The following DOCK9 variants were observed in gnomAD, a reference collection of about 807,000 sequenced individuals.
DOCK9 encodes the protein dedicator of cytokinesis protein 9.
DOCK9 carries 89 observed loss-of-function variants against 263.3 expected under a neutral mutation model. The ratio of observed to expected loss-of-function variants is 0.34; its 90% confidence interval spans 0.28 to 0.40. The LOEUF (loss-of-function observed/expected upper bound fraction) is 0.40, where lower values mean the gene tolerates loss of function less well. Among genes scored for constraint, DOCK9 ranks in the 10% least tolerant of loss-of-function variants. The pLI is 1.00. For synonymous variants in DOCK9, 976 were observed against 973.1 expected, an observed-to-expected ratio of 1.00 and a Z score of -0.06; for missense variants, 2,140 against 2,603.4, an observed-to-expected ratio of 0.82 and a Z score of 3.87.
chr13:99,073,385 C>CCT (rs922775206), intron 1 of DOCK9, among the ~76,000 whole-genome samples: 6 of 149,788 alleles, frequency 4.0e-5, no homozygotes, highest in East Asian at 2.0e-4. Flanking sequence ...CTCTCTCTCT[C>CCT]CTCTCTCTCT....
intron 1 of DOCK9, among the ~76,000 whole-genome samples, chr13:99,029,979 A>C (rs7329691): frequency 0.1 from 15,727 of 152,312 alleles, 956 homozygotes; most frequent in South Asian, 0.19. Flanking sequence ...TGAAGTACTG[A>C]TACATGCTAC....
chr13:98,860,551 C>A (rs2093832127), intron 32 of DOCK9, 29 bp from the exon 33 acceptor site: 1 of 1,531,448 alleles, frequency 6.5e-7, no homozygotes, highest in South Asian at 1.2e-5. Context: ...CAGAAACAAT[C>A]AAAGATGACT....
chr13:99,057,441 C>T (rs2040978991), intron 1 of DOCK9, among the ~76,000 whole-genome samples: 1 of 152,120 alleles, frequency 6.6e-6, no homozygotes, highest in Admixed American at 6.6e-5. Flanking sequence ...ACGGTAAGTC[C>T]TGGGTGAGCT....
chr13:98,845,633 T>A (rs1282895126), intron 38 of DOCK9, among the ~76,000 whole-genome samples: 1 of 152,200 alleles, frequency 6.6e-6, no homozygotes, highest in Non-Finnish European at 1.5e-5. Flanking sequence ...ATGTTTAGAA[T>A]TCTTGAGAAC....
intron 1 of DOCK9, among the ~76,000 whole-genome samples, chr13:99,021,091 C>A (rs989413424): frequency 2.6e-5 from 4 of 152,202 alleles, no homozygotes; most frequent in Non-Finnish European, 5.9e-5. Flanking sequence ...ATGCCTCGTT[C>A]CTTTTATAAC....
chr13:98,833,222 A>ATT (rs1555352145), intron 39 of DOCK9: 1 of 146,652 alleles, frequency 6.8e-6, no homozygotes, highest in East Asian at 2.0e-4. Flanking sequence ...AAAAAAAAAA[A>ATT]GATTTCCAGT....
intron 1 of DOCK9, among the ~76,000 whole-genome samples, chr13:99,039,827 C>T (rs971531537): frequency 2.0e-5 from 3 of 152,166 alleles, no homozygotes; most frequent in Admixed American, 6.5e-5. Flanking sequence ...TTTCTGATAG[C>T]ACTGAGGGTG....
chr13:98,880,004 C>T (rs1187608858), intron 26 of DOCK9, 35 bp from the exon 27 acceptor site: 2 of 1,502,960 alleles, frequency 1.3e-6, no homozygotes, highest in Non-Finnish European at 1.8e-6. Flanking sequence ...AGTAAGAACA[C>T]AACAAACTGG....
At chr13:98,880,287 AGAATCTCT>A (rs1161062213) in intron 26 of DOCK9, among the ~76,000 whole-genome samples, 2 of 152,044 alleles carry the variant, frequency 1.3e-5, no homozygotes, top group African/African-American at 4.8e-5. Context: ...ACTTGTCTTT[AGAATCTCT>A]AAGTCATAGA....
At chr13:99,086,032 T>G (rs1046918361) in intron 1 of DOCK9, among the ~76,000 whole-genome samples, 7 of 151,984 alleles carry the variant, frequency 4.6e-5, no homozygotes, top group African/African-American at 1.7e-4. Context: ...GTCTGGGAGT[T>G]GCAGCCCCTC....
In DOCK9 at chr13:98,794,517, C is replaced by T. The variant is rs1452558499; in HGVS notation, c.*109G>A. 8.4e-7 allele frequency: 1 copy of T among 1,190,026 alleles called. No homozygotes were observed. Among genetic ancestry groups the T allele is most frequent in the African/African-American group, 1.6e-5 (1 of 64,144 alleles). The allele number at this position is 1,190,026 out of a possible 1,614,324, so 73.7% of individuals were successfully genotyped here. On this transcript the variant is annotated 3_prime_UTR_variant, in exon 53 of 53. Transcript: ENST00000682017. ...TTGTTCTTTATTTCCTTTCTCTCCCCTTCCCCTTGGTCCTCCCTGTGCTCG... is the reference window on the plus strand; with the variant it reads ...TTGTTCTTTATTTCCTTTCTCTCCCTTTCCCCTTGGTCCTCCCTGTGCTCG...
intron 1 of DOCK9, among the ~76,000 whole-genome samples, chr13:99,061,128 T>A (rs993223846): frequency 1.3e-5 from 2 of 152,314 alleles, no homozygotes; most frequent in Admixed American, 1.3e-4. Context: ...GAAAGTATAC[T>A]CTACTGACAG....
intron 7 of DOCK9, among the ~76,000 whole-genome samples, chr13:98,917,151 C>T (rs549342257): frequency 2.6e-5 from 4 of 152,130 alleles, no homozygotes; most frequent in Admixed American, 6.5e-5. Flanking sequence ...AAATGCACCC[C>T]GGAGACTAAT....
Position 98,888,186 on chromosome 13 carries a change from G to C in DOCK9, c.2015C>G (p.Ser672Ter). 6.2e-7 allele frequency: 1 copy of C among 1,608,892 alleles called. No individual in the cohort carries two copies. The highest frequency in any genetic ancestry group is 8.5e-7 in the Non-Finnish European group (1 of 1,177,490). Residue 672 changes from serine (S) to a stop codon, truncating the protein, a stop_gained, in exon 18 of 53, where the codon TCA (serine) becomes TGA (stop). Transcript: ENST00000682017. LOFTEE classifies it high-confidence loss of function. ...AAGGGGCTGAGAGTCTTCCTCATCT[G>C]AATCTTTGAATTCAATGCAAATCGC... ...NIAICIEFKD[S>*]DEEDSQPLKC... is the part of the protein sequence containing the mutation.
chr13:98,814,231 C>T (rs987732228), intron 45 of DOCK9, among the ~76,000 whole-genome samples: 6 of 152,116 alleles, frequency 3.9e-5, no homozygotes, highest in African/African-American at 4.8e-5. Context: ...AACTCTGTAC[C>T]GGTGCTTATT....
chr13:98,958,314 G>A (rs554777772), intron 1 of DOCK9, among the ~76,000 whole-genome samples: 14 of 152,292 alleles, frequency 9.2e-5, no homozygotes, highest in Non-Finnish European at 1.6e-4. Context: ...TCCAGCCCAC[G>A]GCACCTCAGC....
intron 47 of DOCK9, among the ~76,000 whole-genome samples, chr13:98,808,486 G>C (rs1394457913): frequency 2.0e-5 from 3 of 151,936 alleles, no homozygotes; most frequent in African/African-American, 7.3e-5. Flanking sequence ...ATTTTTTAAA[G>C]TTTCTCACGT....
At chr13:99,083,644 C>G (rs887050943) in intron 1 of DOCK9, among the ~76,000 whole-genome samples, 1 of 152,154 alleles carries the variant, frequency 6.6e-6, no homozygotes, top group African/African-American at 2.4e-5. Flanking sequence ...TATTTTCAAG[C>G]TTTTCAAACA....
intron 1 of DOCK9, among the ~76,000 whole-genome samples, chr13:98,977,132 A>C (rs1212089707): frequency 6.6e-6 from 1 of 152,202 alleles, no homozygotes; most frequent in Admixed American, 6.5e-5. Flanking sequence ...GATGATAACA[A>C]CACAACCATT....
Sources: allele counts gnomAD v4.1 joint callset (sites outside exome capture counted in the v4.1 genomes callset), GRCh38; gene constraint gnomAD v4.1.1; transcripts MANE v1.5; gene names NCBI Gene and HGNC (gene_info 2026-07-23, HGNC 2026-07-21).